Variants in NOS1AP observed in about 807,000 individuals in gnomAD.
NOS1AP encodes the protein carboxyl-terminal PDZ ligand of neuronal nitric oxide synthase protein.
Under a neutral mutation model 56.2 loss-of-function variants are expected in NOS1AP, and 21 were observed. The observed-to-expected ratio is 0.37, with a 90% CI of 0.26 to 0.54. NOS1AP has a LOEUF of 0.54. Ranked by LOEUF, NOS1AP falls within the 20% of genes least tolerant of loss-of-function variation. The pLI is 0.84. For missense variants in NOS1AP, 522 were observed against 657.8 expected, an observed-to-expected ratio of 0.79 and a Z score of 2.26; for synonymous variants, 270 against 274.6, an observed-to-expected ratio of 0.98 and a Z score of 0.17.
At chr1:162,175,203 A>G (rs1450618913) in intron 2 of NOS1AP, among the ~76,000 whole-genome samples, 1 of 151,726 alleles carries the variant, frequency 6.6e-6, no homozygotes, top group Non-Finnish European at 1.5e-5. Flanking sequence ...GCACTTACAG[A>G]GTGGAAAGTT....
chr1:162,281,363 A>T (rs1654919482), intron 2 of NOS1AP, among the ~76,000 whole-genome samples: 1 of 152,154 alleles, frequency 6.6e-6, no homozygotes, highest in African/African-American at 2.4e-5. Context: ...ACATTCATTT[A>T]TCACCCTCCT....
chr1:162,283,080 T>C (rs10919060), intron 2 of NOS1AP, among the ~76,000 whole-genome samples: 47,440 of 151,484 alleles, frequency 0.31, 7,757 homozygotes, highest in East Asian at 0.6. Context: ...CTTTATTGCT[T>C]GCTCGCTCTC....
intron 4 of NOS1AP, among the ~76,000 whole-genome samples, chr1:162,321,731 A>AAAAAAATATATATATAT (rs1480278757): frequency 7.8e-6 from 1 of 128,494 alleles, no homozygotes; most frequent in African/African-American, 2.9e-5. Flanking sequence ...AAAAAAAAAA[A>AAAAAAATATATATATAT]ATATATATAT....
chr1:162,228,263 T>C (rs1475222407), intron 2 of NOS1AP, among the ~76,000 whole-genome samples: 1 of 152,218 alleles, frequency 6.6e-6, no homozygotes, highest in Non-Finnish European at 1.5e-5. Context: ...TAGTTTGTAT[T>C]ATACTAATCC....
At chr1:162,078,026 T>C (rs543191846) in intron 1 of NOS1AP, among the ~76,000 whole-genome samples, 3 of 152,222 alleles carry the variant, frequency 2.0e-5, no homozygotes, top group Non-Finnish European at 2.9e-5. Context: ...GAATGCCTCA[T>C]TGGGCTCTCT....
intron 8 of NOS1AP, among the ~76,000 whole-genome samples, chr1:162,359,500 C>T (rs948563190): frequency 3.3e-5 from 5 of 152,230 alleles, no homozygotes; most frequent in East Asian, 1.9e-4. Flanking sequence ...GTCCTGCAGA[C>T]GGATTCGGTC....
chr1:162,199,315 G>A (rs1406290544), intron 2 of NOS1AP, among the ~76,000 whole-genome samples: 3 of 152,166 alleles, frequency 2.0e-5, no homozygotes, highest in South Asian at 2.1e-4. Context: ...TATCTGCTCC[G>A]CTGCTGCATG....
intron 2 of NOS1AP, among the ~76,000 whole-genome samples, chr1:162,259,730 A>G (rs1332891145): frequency 6.6e-6 from 1 of 152,248 alleles, no homozygotes; most frequent in African/African-American, 2.4e-5. Flanking sequence ...AAACATTAAC[A>G]TGTGCATTGT....
intron 4 of NOS1AP, among the ~76,000 whole-genome samples, chr1:162,320,221 G>A (rs1229595343): frequency 6.6e-6 from 1 of 152,122 alleles, no homozygotes; most frequent in African/African-American, 2.4e-5. Context: ...CCTGCTTTTC[G>A]GTGGTGGGGA....
chr1:162,238,478 GT>G (rs1653377897), intron 2 of NOS1AP, among the ~76,000 whole-genome samples: 1 of 152,094 alleles, frequency 6.6e-6, no homozygotes, highest in African/African-American at 2.4e-5. Context: ...GCTGCTACGT[GT>G]TTTTGTTATT....
In NOS1AP at chr1:162,326,735, A is replaced by G. The variant is rs539864474; in HGVS notation, c.345-6282A>G. On this transcript the variant is annotated intron_variant, in intron 4 of 9. Transcript: ENST00000361897. ...AGTCTGACCTGGCTGGAAAAGACCA[A>G]TGTCCCAGCTCAAAGCAATCAGGCA... Among the ~76,000 whole-genome samples, 123 of 152,150 alleles carry G rather than the reference A, an allele frequency of 8.1e-4. 1 individual carries two copies. The highest frequency in any genetic ancestry group is 1.3e-3 in the Non-Finnish European group (89 of 68,010).
intron 4 of NOS1AP, among the ~76,000 whole-genome samples, chr1:162,316,024 T>C (rs1056938722): frequency 3.9e-5 from 6 of 152,210 alleles, no homozygotes; most frequent in East Asian, 1.9e-4. Flanking sequence ...TTCCATGTAA[T>C]TGACTTATTA....
At chr1:162,195,713 C>G (rs1651783982) in intron 2 of NOS1AP, among the ~76,000 whole-genome samples, 1 of 152,248 alleles carries the variant, frequency 6.6e-6, no homozygotes, top group South Asian at 2.1e-4. Flanking sequence ...TACTATTTGA[C>G]ATCCTTTTTT....
intron 4 of NOS1AP, among the ~76,000 whole-genome samples, chr1:162,304,737 TA>T (rs1334097349): frequency 2.0e-5 from 3 of 151,944 alleles, no homozygotes; most frequent in Non-Finnish European, 4.4e-5. Context: ...TTTCATGTAT[TA>T]AATTGTGATG....
intron 1 of NOS1AP, among the ~76,000 whole-genome samples, chr1:162,094,798 A>G (rs377130616): frequency 4.6e-5 from 7 of 152,310 alleles, no homozygotes; most frequent in African/African-American, 1.7e-4. Flanking sequence ...CTTCCAAACC[A>G]TGGTCCAGTT....
intron 8 of NOS1AP, chr1:162,360,960 G>C (rs951242037): frequency 1.8e-5 from 8 of 456,420 alleles, no homozygotes; most frequent in Non-Finnish European, 3.5e-5. Flanking sequence ...CCAATGGTCT[G>C]GTGTGGCTGG....
At chr1:162,111,847 T>C (rs1216149443) in intron 1 of NOS1AP, among the ~76,000 whole-genome samples, 3 of 152,238 alleles carry the variant, frequency 2.0e-5, no homozygotes, top group African/African-American at 7.2e-5. Context: ...GCCGGGTTAG[T>C]GTTGGAAGAA....
At chr1:162,077,020 G>C (rs1558088569) in intron 1 of NOS1AP, among the ~76,000 whole-genome samples, 1 of 151,954 alleles carries the variant, frequency 6.6e-6, no homozygotes, top group African/African-American at 2.4e-5. Context: ...TTCCATTTTT[G>C]CCTCTTAAAA....
At chr1:162,322,192 GCTGA>G (rs200321583) in intron 4 of NOS1AP, among the ~76,000 whole-genome samples, 1 of 152,174 alleles carries the variant, frequency 6.6e-6, no homozygotes, top group East Asian at 1.9e-4. Flanking sequence ...AATTAGAAAT[GCTGA>G]TGCCTGGAGT....
Sources: allele counts gnomAD v4.1 joint callset (sites outside exome capture counted in the v4.1 genomes callset), GRCh38; gene constraint gnomAD v4.1.1; transcripts MANE v1.5; gene names NCBI Gene and HGNC (gene_info 2026-07-23, HGNC 2026-07-21).